Variants in TLN1 observed in about 807,000 individuals in gnomAD.
TLN1 encodes talin 1.
TLN1 carries 56 observed loss-of-function variants against 292.3 expected under a neutral mutation model. The ratio of observed to expected loss-of-function variants is 0.19; its 90% CI spans 0.15 to 0.24. TLN1 has a LOEUF of 0.24. Ranked by LOEUF, TLN1 falls within the 10% of genes least tolerant of loss-of-function variation. The pLI, the probability that TLN1 is intolerant of heterozygous loss-of-function variation, is 1.00. For synonymous variants in TLN1, 1,119 were observed against 1,253.7 expected, an observed-to-expected ratio of 0.89 and a Z score of 2.27; for missense variants, 2,433 against 3,248.2, an observed-to-expected ratio of 0.75 and a Z score of 6.10.
rs68036045 is a variant in TLN1 at position 35,710,222 on chromosome 9, CAA to C, written c.4326+337_4326+338del. Among the ~76,000 whole-genome samples, 454 of 67,234 alleles carry C rather than the reference CAA, an allele frequency of 6.8e-3. 1 individual carries two copies. The highest frequency in any genetic ancestry group is 0.026 in the African/African-American group (440 of 16,832). The allele number at this position is 67,234 out of a possible 152,430, so 44.1% of individuals were successfully genotyped here. On this transcript the variant is annotated intron_variant, in intron 33 of 56. Transcript: ENST00000314888. ...TGGGCGACAGAGCGAAACGCTGTCT[CAA>C]AAAAAAAAAAAAAAAAAAAGAAAGT...
Position 35,717,554 on chromosome 9 carries a change from A to T in TLN1, c.2163+65T>A. The T allele has an allele frequency of 6.3e-7, 1 of 1,580,482 alleles. No homozygotes were observed. On this transcript the variant is annotated intron_variant, in intron 18 of 56. Transcript: ENST00000314888. This position sits in a 1 kb window ranked among gnomAD's most constrained non-coding sequence, Gnocchi z 4.7. ...CCTCCAGAGCCAAAGAAATAAAATGAAAGGCTCACGTGTGTGTGGTAGTAT... is the reference window on the plus strand; with the variant it reads ...CCTCCAGAGCCAAAGAAATAAAATGTAAGGCTCACGTGTGTGTGGTAGTAT...
rs1212881819 is a variant in TLN1, at chr9:35,721,785, T to A, written c.967A>T (p.Asn323Tyr). 1 of 1,610,390 alleles carries A rather than the reference T, an allele frequency of 6.2e-7. No homozygotes were observed. Among genetic ancestry groups the A allele is most frequent in the Admixed American group, 1.7e-5 (1 of 59,974 alleles). The change falls in exon 10 of 57, where the codon AAC (asparagine) becomes TAC (tyrosine). Residue 323 changes from asparagine to tyrosine, a missense_variant. Asn to Tyr is a moderately radical substitution (Grantham distance 143, BLOSUM62 -2). Around this residue, in one of 7 missense-constraint regions of TLN1, gnomAD observed 57 missense variants for 136.5 expected, o/e 0.42. Coordinates refer to ENST00000314888, the MANE Select transcript of TLN1 (RefSeq NM_006289.4). The part of the protein sequence containing the change: ...FLVKEKMKGK[N>Y]KLVPRLLGIT... ...CCCAGAAGCCTGGGCACTAGCTTGT[T>A]CTTCCCTTTCATTTTTTCCTATGAG...
intron 43 of TLN1, 143 bp downstream of exon 43, chr9:35,705,407 AG>A (rs1188517856): frequency 1.2e-6 from 1 of 808,720 alleles, no homozygotes; most frequent in Non-Finnish European, 1.9e-6. Flanking sequence ...CCCTACCCAG[AG>A]CCTCACTAGT....
chr9:35,700,263 A>G lies in TLN1; in HGVS notation c.6588T>C (p.Cys2196=). 6.2e-7 allele frequency: 1 copy of G among 1,613,582 alleles called. No homozygotes were observed. Among genetic ancestry groups the G allele is most frequent in the South Asian group, 1.1e-5 (1 of 91,086 alleles). Reference sequence around the variant, plus strand: ...CTGTGGCAATGACATCTTCCTGGCGACAGGAATTGCCAGCAGCAACGGCCT... The same window carrying G: ...CTGTGGCAATGACATCTTCCTGGCGGCAGGAATTGCCAGCAGCAACGGCCT... ...TAKAVAAGNS[C]RQEDVIATAN... The change falls in exon 49 of 57, where the codon TGT becomes TGC. Residue 2196 remains cysteine, a synonymous_variant. Coordinates refer to ENST00000314888, the MANE Select transcript of TLN1 (RefSeq NM_006289.4).
In TLN1 at chr9:35,708,599, C is replaced by T. The variant is rs758994736; in HGVS notation, c.4327-115G>A. Reference sequence around the variant, plus strand: ...AGTTTAGAGAATAGGGCTTATTTTCCAGAGTTCTCCATGAGTGGAGATACA... The same window carrying T: ...AGTTTAGAGAATAGGGCTTATTTTCTAGAGTTCTCCATGAGTGGAGATACA... On this transcript the variant is annotated intron_variant, in intron 33 of 56. Coordinates refer to ENST00000314888, the MANE Select transcript of TLN1 (RefSeq NM_006289.4). The T allele has an allele frequency of 3.4e-4, 364 of 1,063,222 alleles. 1 individual carries two copies. The highest frequency in any genetic ancestry group is 4.2e-4 in the Non-Finnish European group (340 of 800,644). The allele number at this position is 1,063,222 out of a possible 1,614,324, so 65.9% of individuals were successfully genotyped here. A position where few individuals can be genotyped will look rare whatever the true frequency, so the allele number is the denominator to read the frequency against.
intron 20 of TLN1, 34 bp downstream of exon 20, chr9:35,716,355 GT>G: frequency 6.2e-7 from 1 of 1,611,844 alleles, no homozygotes; most frequent in Non-Finnish European, 8.5e-7. Flanking sequence ...TCCCTCTAGG[GT>G]CCAGTCTGGG....
In TLN1 at chr9:35,699,857, A is replaced by G. The variant is rs1478289357; in HGVS notation, c.6768+117T>C. The G allele has an allele frequency of 6.9e-6, 8 of 1,163,184 alleles. No homozygotes were observed. Among genetic ancestry groups the G allele is most frequent in the South Asian group, 6.5e-5 (4 of 61,430 alleles). 72.1% of individuals were successfully genotyped at this position (1,163,184 alleles called of 1,614,324 possible). On this transcript the variant is annotated intron_variant, in intron 50 of 56. Coordinates refer to ENST00000314888, the MANE Select transcript of TLN1 (RefSeq NM_006289.4). This position sits in a 1 kb window ranked among gnomAD's most constrained non-coding sequence, Gnocchi z 4.0. ...GGAAAGGAGAACAGATTTGGGAAGT[A>G]GAGGGTGGGGTAGGGAGGAGATCTG...
At chr9:35,709,955 G>A (rs1825634313) in intron 33 of TLN1, among the ~76,000 whole-genome samples, 1 of 138,434 alleles carries the variant, frequency 7.2e-6, no homozygotes, top group African/African-American at 2.7e-5. Flanking sequence ...GCTCACGCCT[G>A]TAATTCCAGC....
Position 35,700,026 on chromosome 9 carries a change from T to C in TLN1, c.6716A>G (p.Tyr2239Cys). The part of the protein sequence containing the change: ...APDVRLRALH[Y>C]GRECANGYLE... Reference sequence around the variant, plus strand: ...GTAGCCATTGGCACACTCCCGGCCATAGTGCAGGGCTCGAAGCCGCACATC... The same window carrying C: ...GTAGCCATTGGCACACTCCCGGCCACAGTGCAGGGCTCGAAGCCGCACATC... The change falls in exon 50 of 57, where the codon TAT (tyrosine) becomes TGT (cysteine). Residue 2239 changes from tyrosine (Y) to cysteine (C), a missense_variant. By Grantham distance (194) the Tyr-to-Cys change is radical (BLOSUM62 -2). Transcript: ENST00000314888. The C allele has an allele frequency of 6.2e-7, 1 of 1,613,522 alleles. No individual in the cohort carries two copies. Among genetic ancestry groups the C allele is most frequent in the Non-Finnish European group, 8.5e-7 (1 of 1,179,702 alleles).
intron 1 of TLN1, among the ~76,000 whole-genome samples, chr9:35,729,890 A>T (rs1372669855): frequency 6.6e-6 from 1 of 151,302 alleles, no homozygotes; most frequent in Non-Finnish European, 1.5e-5. Flanking sequence ...TGAGTATATG[A>T]TTAGTAGCCA....
rs1308062430 is a variant in TLN1 at position 35,717,829 on chromosome 9, G to A, written c.1996-43C>T. Reference sequence around the variant, plus strand: ...TTAGCATGACCTGAGATTGGGCTTGGGATTCACAGACACTTCTCAGAGGCG... The same window carrying A: ...TTAGCATGACCTGAGATTGGGCTTGAGATTCACAGACACTTCTCAGAGGCG... On this transcript the variant is annotated intron_variant, in intron 17 of 56. Coordinates refer to ENST00000314888, the MANE Select transcript of TLN1 (RefSeq NM_006289.4). This position sits in a 1 kb window ranked among gnomAD's most constrained non-coding sequence, Gnocchi z 4.7. 1 of 1,571,692 alleles carries A rather than the reference G, an allele frequency of 6.4e-7. No homozygotes were observed. The highest frequency in any genetic ancestry group is 8.7e-7 in the Non-Finnish European group (1 of 1,151,906).
intron 48 of TLN1, among the ~76,000 whole-genome samples, chr9:35,701,431 T>C (rs554158363): frequency 1.3e-5 from 2 of 152,286 alleles, no homozygotes; most frequent in South Asian, 4.1e-4. Flanking sequence ...TGGGCCACCT[T>C]GCCCAGCTAA....
In TLN1 at chr9:35,704,873, T is replaced by G. The variant is rs1357538644; in HGVS notation, c.5734-58A>C. On this transcript the variant is annotated intron_variant, in intron 43 of 56. Transcript: ENST00000314888. This position sits in a 1 kb window ranked among gnomAD's most constrained non-coding sequence, Gnocchi z 6.9. The stretch of plus-strand genomic sequence containing the variant: ...CAAGGGGCACTCAGGGTACCTTCAC[T>G]GTGCTTGGAAAAGTCACTAAGGACA... 5.1e-6 allele frequency: 8 copies of G among 1,569,910 alleles called. No homozygotes were observed. The highest frequency in any genetic ancestry group is 1.7e-6 in the Non-Finnish European group (2 of 1,152,742).
intron 33 of TLN1, among the ~76,000 whole-genome samples, chr9:35,708,690 C>T (rs911012648): frequency 6.6e-6 from 1 of 152,176 alleles, no homozygotes; most frequent in Admixed American, 6.5e-5. Context: ...TAAGTATATT[C>T]AAGCATTTCA....
chr9:35,716,111 T>C (rs1348586603), intron 20 of TLN1, among the ~76,000 whole-genome samples: 1 of 151,276 alleles, frequency 6.6e-6, no homozygotes, highest in African/African-American at 2.4e-5. Flanking sequence ...ATCCTAACAC[T>C]TCGGGAGGCC....
At chr9:35,723,502 G>A (rs1005732319) in intron 7 of TLN1, 2 of 209,126 alleles carry the variant, frequency 9.6e-6, no homozygotes, top group African/African-American at 4.8e-5. Flanking sequence ...TGGGTCTAGA[G>A]CACCATTTCA....
Position 35,699,407 on chromosome 9 carries a change from G to A in TLN1, c.6823C>T (p.Arg2275Cys), listed in dbSNP as rs773118269. The part of the protein sequence containing the change: ...LKQQLTGHSK[R>C]VAGSVTELIQ... ...AGCTCAGTGACGGAACCAGCCACAC[G>A]CTTTGAATGTCCTGTCAACTGCTGC... is the stretch of plus-strand genomic sequence containing the variant. The change falls in exon 51 of 57, where the codon CGT becomes TGT. Residue 2275 changes from arginine to cysteine, a missense_variant. Coordinates refer to ENST00000314888, the MANE Select transcript of TLN1 (RefSeq NM_006289.4). The surrounding 1 kb of genome is among the most constrained non-coding windows in gnomAD (Gnocchi z 4.0). 2.7e-5 allele frequency: 43 copies of A among 1,613,876 alleles called. No individual in the cohort carries two copies. The highest frequency in any genetic ancestry group is 5.5e-5 in the South Asian group (5 of 91,068).
chr9:35,723,106 C>CTTT, intron 7 of TLN1, 185 bp from the exon 8 acceptor site: 10 of 386,158 alleles, frequency 2.6e-5, no homozygotes, highest in South Asian at 6.2e-5. Flanking sequence ...GTAAACTCTT[C>CTTT]TTTTTTTTTT....
rs1825413145 is a variant in TLN1 at position 35,698,774 on chromosome 9, C to CCAGAAGA, written c.7125+33_7125+34insTCTTCTG. The CCAGAAGA allele has an allele frequency of 3.7e-6, 6 of 1,613,788 alleles. No homozygotes were observed. The highest frequency in any genetic ancestry group is 5.1e-6 in the Non-Finnish European group (6 of 1,179,698). On this transcript the variant is annotated intron_variant, in intron 53 of 56. Coordinates refer to ENST00000314888, the MANE Select transcript of TLN1 (RefSeq NM_006289.4). This position sits in a 1 kb window ranked among gnomAD's most constrained non-coding sequence, Gnocchi z 5.3. ...TGGATGTGGACATCAAAGTGCCAACCTGTCCCCATTCTTCTGGGTATTTAA... is the reference window on the plus strand; with the variant it reads ...TGGATGTGGACATCAAAGTGCCAACCCAGAAGATGTCCCCATTCTTCTGGGTATTTAA...
Sources: allele counts gnomAD v4.1 joint callset (sites outside exome capture counted in the v4.1 genomes callset), GRCh38; gene constraint gnomAD v4.1.1; regional missense constraint gnomAD v4.1.1; non-coding constraint Gnocchi (gnomAD v3.1); transcripts MANE v1.5; gene names NCBI Gene and HGNC (gene_info 2026-07-23, HGNC 2026-07-21).